RNF13: variants seen among roughly 807,000 people sequenced by gnomAD.
RNF13 encodes E3 ubiquitin-protein ligase RNF13.
RNF13 carries 19 observed loss-of-function variants against 37.7 expected under a neutral mutation model. That is an observed-to-expected ratio of 0.50 (90% CI 0.35 to 0.74). The LOEUF is 0.74. Ranked by LOEUF, RNF13 falls within the 30% of genes least tolerant of loss-of-function variation. The pLI, the probability that RNF13 is intolerant of heterozygous loss-of-function variation, is 0.01. For synonymous variants in RNF13, 144 were observed against 157.8 expected (o/e 0.91, Z 0.65); for missense variants, 375 against 453.0 (o/e 0.83, Z 1.56).
chr3:149,852,656 G>A, intron 3 of RNF13, 60 bp downstream of exon 3: 3 of 762,082 alleles, frequency 3.9e-6, no homozygotes, highest in Non-Finnish European at 6.2e-6. Context: ...GATTTTTATT[G>A]TTTATTATTT....
At chr3:149,880,276 T>C (rs1713232719) in intron 4 of RNF13, among the ~76,000 whole-genome samples, 1 of 152,224 alleles carries the variant, frequency 6.6e-6, no homozygotes, top group African/African-American at 2.4e-5. Flanking sequence ...GCCTCTGCTA[T>C]GTTAGGATGA....
At chr3:149,814,388 A>T (rs1719208189) in intron 1 of RNF13, 1 of 152,254 alleles carries the variant, frequency 6.6e-6, no homozygotes, top group East Asian at 1.9e-4. Context: ...GGTGGACATT[A>T]GCTCCATCTC....
intron 8 of RNF13, among the ~76,000 whole-genome samples, chr3:149,948,467 C>A (rs927898116): frequency 2.0e-5 from 3 of 152,164 alleles, no homozygotes; most frequent in South Asian, 4.2e-4. Context: ...TTTCTAGTGA[C>A]GTTTTGATTC....
intron 4 of RNF13, among the ~76,000 whole-genome samples, chr3:149,889,743 C>T (rs1186705453): frequency 6.7e-6 from 1 of 149,454 alleles, no homozygotes; most frequent in East Asian, 2.0e-4. Flanking sequence ...CAACCTCTGA[C>T]TTCCGGGTTC....
At chr3:149,864,833 C>T (rs1724638908) in intron 3 of RNF13, among the ~76,000 whole-genome samples, 1 of 152,116 alleles carries the variant, frequency 6.6e-6, no homozygotes, top group Non-Finnish European at 1.5e-5. Flanking sequence ...CATATCAGCT[C>T]AAATAAAAAA....
intron 8 of RNF13, among the ~76,000 whole-genome samples, chr3:149,924,476 G>A (rs572290154): frequency 6.6e-6 from 1 of 152,140 alleles, no homozygotes; most frequent in African/African-American, 2.4e-5. Flanking sequence ...AGACTGAGAA[G>A]GTGTGACCAA....
At chr3:149,945,682 GAC>G (rs1459652185) in intron 8 of RNF13, among the ~76,000 whole-genome samples, 1 of 152,204 alleles carries the variant, frequency 6.6e-6, no homozygotes, top group Non-Finnish European at 1.5e-5. Flanking sequence ...GGGGCAGACT[GAC>G]ACCCCACACG....
rs1722390947 is a variant in RNF13 at position 149,961,279 on chromosome 3, C to G, written c.*175C>G. The G allele has an allele frequency of 3.4e-5, 23 of 681,018 alleles. No individual in the cohort carries two copies. The highest frequency in any genetic ancestry group is 6.6e-5 in the South Asian group (4 of 60,906). 42.2% of individuals were successfully genotyped at this position (681,018 alleles called of 1,614,324 possible). A position where few individuals can be genotyped will look rare whatever the true frequency, so the allele number is the denominator to read the frequency against. Reference sequence around the variant, plus strand: ...CTGGTATTTATCTGCCAAGAATATACTTCATTCACTAATAATAGACTGGTG... The same window carrying G: ...CTGGTATTTATCTGCCAAGAATATAGTTCATTCACTAATAATAGACTGGTG... On this transcript the variant is annotated 3_prime_UTR_variant, in exon 10 of 10. Transcript: ENST00000392894.
intron 9 of RNF13, 54 bp from the exon 10 acceptor site, chr3:149,960,680 TTAAATA>T: frequency 6.7e-7 from 1 of 1,485,114 alleles, no homozygotes; most frequent in Non-Finnish European, 9.1e-7. Flanking sequence ...TGGCAAGAGA[TTAAATA>T]TAAAAGTATC....
intron 8 of RNF13, among the ~76,000 whole-genome samples, chr3:149,925,956 A>G (rs557514370): frequency 1.3e-5 from 2 of 152,214 alleles, no homozygotes; most frequent in South Asian, 2.1e-4. Flanking sequence ...CCTTCTTGCA[A>G]TGAGGTTAAA....
At chr3:149,849,540 C>G (rs1722944377) in intron 2 of RNF13, among the ~76,000 whole-genome samples, 1 of 152,190 alleles carries the variant, frequency 6.6e-6, no homozygotes, top group Non-Finnish European at 1.5e-5. Context: ...CTTAACATTT[C>G]TTAAGTCGCA....
chr3:149,875,987 GT>G (rs985941429), intron 4 of RNF13, among the ~76,000 whole-genome samples: 10 of 19,584 alleles, frequency 5.1e-4, no homozygotes, highest in African/African-American at 2.6e-3. Context: ...AAAAAAATCT[GT>G]AAAAATACCT....
intron 6 of RNF13, among the ~76,000 whole-genome samples, chr3:149,909,543 G>T (rs988924023): frequency 1.4e-5 from 2 of 147,620 alleles, no homozygotes; most frequent in Non-Finnish European, 3.0e-5. Context: ...TCCACCCACC[G>T]TGGCCTCCCA....
intron 5 of RNF13, among the ~76,000 whole-genome samples, chr3:149,896,545 T>C (rs1307494551): frequency 6.6e-6 from 1 of 151,946 alleles, no homozygotes; most frequent in African/African-American, 2.4e-5. Flanking sequence ...AATGGTGCGA[T>C]GTTGGCTCAC....
chr3:149,826,590 C>T (rs987672166), intron 1 of RNF13, among the ~76,000 whole-genome samples: 23 of 152,062 alleles, frequency 1.5e-4, no homozygotes, highest in Admixed American at 1.2e-3. Context: ...TTAATATTTT[C>T]GTGTATTTTC....
intron 4 of RNF13, among the ~76,000 whole-genome samples, chr3:149,882,006 C>CT (rs1188595029): frequency 7.9e-5 from 12 of 151,062 alleles, no homozygotes; most frequent in African/African-American, 9.7e-5. Flanking sequence ...GGGTTTAGTT[C>CT]TTTTTTTTTC....
At chr3:149,856,971 A>G (rs904607923) in intron 3 of RNF13, among the ~76,000 whole-genome samples, 8 of 152,110 alleles carry the variant, frequency 5.3e-5, no homozygotes, top group African/African-American at 1.9e-4. Context: ...AATGGTCTCA[A>G]TCTTCTGACT....
At chr3:149,867,262 T>G (rs1277249898) in intron 3 of RNF13, among the ~76,000 whole-genome samples, 2 of 151,960 alleles carry the variant, frequency 1.3e-5, no homozygotes, top group East Asian at 3.9e-4. Context: ...ACCTTCCTTG[T>G]CTCTTTTTTT....
At chr3:149,835,667 T>TGTGTGTGTGTTTG (rs1218091872) in intron 1 of RNF13, among the ~76,000 whole-genome samples, 87 of 88,040 alleles carry the variant, frequency 9.9e-4, no homozygotes, top group African/African-American at 3.1e-3. Flanking sequence ...GTGTGTGTGT[T>TGTGTGTGTGTTTG]TGTGTGTGTG....
Sources: allele counts gnomAD v4.1 joint callset (sites outside exome capture counted in the v4.1 genomes callset), GRCh38; gene constraint gnomAD v4.1.1; transcripts MANE v1.5; gene names NCBI Gene and HGNC (gene_info 2026-07-23, HGNC 2026-07-21).